Variants in ERP44 observed in about 807,000 individuals in gnomAD.
ERP44 encodes the protein endoplasmic reticulum protein 44.
In ERP44, 25 loss-of-function variants were observed where a neutral mutation model predicts 53.4. The ratio of observed to expected loss-of-function variants is 0.47; its 90% CI spans 0.34 to 0.65. The LOEUF is 0.65. Ranked by LOEUF, ERP44 falls within the 30% of genes least tolerant of loss-of-function variation. ERP44 has a pLI of 0.01. For missense variants in ERP44, 338 were observed against 493.2 expected (o/e 0.69, Z 2.98); for synonymous variants, 145 against 161.2 (o/e 0.90, Z 0.76).
At chr9:100,008,209 G>C (rs1317114957) in intron 8 of ERP44, among the ~76,000 whole-genome samples, 1 of 152,072 alleles carries the variant, frequency 6.6e-6, no homozygotes, top group African/African-American at 2.4e-5. Context: ...CCCAAAGCTT[G>C]AAGTGTTTTA....
At chr9:100,079,514 C>A (rs911945327) in intron 1 of ERP44, among the ~76,000 whole-genome samples, 1 of 151,804 alleles carries the variant, frequency 6.6e-6, no homozygotes, top group Non-Finnish European at 1.5e-5. Context: ...TTGTTCACTG[C>A]CACCACGCCT....
intron 10 of ERP44, among the ~76,000 whole-genome samples, chr9:99,996,039 C>T (rs567373852): frequency 6.6e-6 from 1 of 151,664 alleles, no homozygotes; most frequent in Admixed American, 6.6e-5. Flanking sequence ...ACATCCTCAC[C>T]ACCGCTTTTG....
chr9:100,067,893 A>C (rs1420341882), intron 1 of ERP44, among the ~76,000 whole-genome samples: 1 of 137,412 alleles, frequency 7.3e-6, no homozygotes, highest in Non-Finnish European at 1.6e-5. Context: ...GCCCCGCCTG[A>C]GAAGTGAGGA....
At chr9:100,029,431 C>G (rs1825750130) in intron 4 of ERP44, among the ~76,000 whole-genome samples, 1 of 152,198 alleles carries the variant, frequency 6.6e-6, no homozygotes, top group Non-Finnish European at 1.5e-5. Flanking sequence ...GTCAGTTTCA[C>G]TAATCATGTG....
At chr9:100,034,753 G>GCCTCA (rs1175249454) in intron 4 of ERP44, among the ~76,000 whole-genome samples, 2 of 152,070 alleles carry the variant, frequency 1.3e-5, no homozygotes, top group East Asian at 3.8e-4. Flanking sequence ...CCAAAAAAGA[G>GCCTCA]CCTCAATAGC....
At chr9:100,024,882 A>C (rs1415604914) in intron 4 of ERP44, among the ~76,000 whole-genome samples, 1 of 152,200 alleles carries the variant, frequency 6.6e-6, no homozygotes, top group Non-Finnish European at 1.5e-5. Context: ...CAGTAAGTTA[A>C]TTCCAATAAG....
chr9:100,066,926 C>G (rs934773230), intron 1 of ERP44, among the ~76,000 whole-genome samples: 1 of 152,088 alleles, frequency 6.6e-6, no homozygotes, highest in Non-Finnish European at 1.5e-5. Flanking sequence ...CTATAATGAA[C>G]TAGAAGTTCA....
intron 4 of ERP44, among the ~76,000 whole-genome samples, chr9:100,047,896 C>T (rs753539812): frequency 6.6e-6 from 1 of 151,830 alleles, no homozygotes; most frequent in African/African-American, 2.4e-5. Flanking sequence ...CAACAAAAAC[C>T]CAAATAACCT....
At chr9:100,067,270 C>G (rs1011456271) in intron 1 of ERP44, among the ~76,000 whole-genome samples, 2 of 152,198 alleles carry the variant, frequency 1.3e-5, no homozygotes, top group Admixed American at 6.5e-5. Flanking sequence ...GCTGCCATCT[C>G]GGCTCACTGC....
chr9:99,994,014 G>A (rs1015502976), intron 10 of ERP44, among the ~76,000 whole-genome samples: 3 of 152,146 alleles, frequency 2.0e-5, no homozygotes, highest in Non-Finnish European at 2.9e-5. Flanking sequence ...AGGTGCTGGA[G>A]AGGATGTGGA....
At chr9:100,094,290 A>C (rs1826597504) in intron 1 of ERP44, among the ~76,000 whole-genome samples, 1 of 152,210 alleles carries the variant, frequency 6.6e-6, no homozygotes, top group Non-Finnish European at 1.5e-5. Context: ...ATATATGCCA[A>C]AATAAATACA....
At chr9:99,989,584 G>T (rs1161973386) in intron 10 of ERP44, among the ~76,000 whole-genome samples, 1 of 152,166 alleles carries the variant, frequency 6.6e-6, no homozygotes, top group African/African-American at 2.4e-5. Context: ...ACAAAGATGG[G>T]GAGAAACCAG....
intron 4 of ERP44, among the ~76,000 whole-genome samples, chr9:100,040,844 AG>A (rs1825892425): frequency 6.6e-6 from 1 of 152,202 alleles, no homozygotes. Context: ...AAAAATCAGT[AG>A]CATTTTTATA....
chr9:100,096,155 G>T (rs189994816), intron 1 of ERP44, among the ~76,000 whole-genome samples: 147 of 152,158 alleles, frequency 9.7e-4, no homozygotes, highest in Non-Finnish European at 2.0e-3. Flanking sequence ...TACAGAAGAG[G>T]TTACCTAGGG....
chr9:100,051,889 TTAA>T (rs1826041787), intron 4 of ERP44, among the ~76,000 whole-genome samples: 1 of 152,134 alleles, frequency 6.6e-6, no homozygotes, highest in Non-Finnish European at 1.5e-5. Context: ...CTTAACACTC[TTAA>T]TAATTATAAT....
intron 4 of ERP44, among the ~76,000 whole-genome samples, chr9:100,039,103 C>T (rs1437905772): frequency 2.0e-5 from 3 of 152,010 alleles, no homozygotes; most frequent in Non-Finnish European, 4.4e-5. Context: ...ACTTAAATAC[C>T]CTACTTTCAG....
Position 100,057,844 on chromosome 9 carries a change from G to A in ERP44, c.146C>T (p.Ala49Val), listed in dbSNP as rs1216689477. 1 of 1,603,814 alleles carries A rather than the reference G, an allele frequency of 6.2e-7. No individual in the cohort carries two copies. Among genetic ancestry groups the A allele is most frequent in the East Asian group, 2.2e-5 (1 of 44,568 alleles). Residue 49 changes from alanine to valine, a missense_variant, in exon 3 of 12, where the codon GCT becomes GTT. This residue lies in a region of ERP44 where 224 missense variants were observed against 301.4 expected (regional missense o/e 0.74). Transcript: ENST00000262455. ...CCAGTCAGCATAAAAATTTACTAAA[G>A]CAACATCAGCATTGTCTGAAATTGA... ...IDEILNNADVALVNFYADWCR... is the reference protein window; with the variant it reads ...IDEILNNADVVLVNFYADWCR...
intron 10 of ERP44, among the ~76,000 whole-genome samples, chr9:100,002,213 G>A (rs1402737651): frequency 6.7e-6 from 1 of 148,714 alleles, no homozygotes; most frequent in African/African-American, 2.5e-5. Flanking sequence ...TTTATATTGT[G>A]TATCCCTAAA....
Position 100,098,881 on chromosome 9 carries a change from T to C in ERP44, c.-41A>G, listed in dbSNP as rs772078898. The C allele has an allele frequency of 3.8e-6, 6 of 1,580,600 alleles. No individual in the cohort carries two copies. The East Asian group carries it at 1.3e-4, about 36-fold the overall frequency. On this transcript the variant is annotated 5_prime_UTR_variant, in exon 1 of 12. Coordinates refer to ENST00000262455, the MANE Select transcript of ERP44 (RefSeq NM_015051.3). ...CGTGACAGGGACAGGCGCTGGCGGC[T>C]GGGACTGGGCTAGGTTGGGTTGGGT...
Sources: allele counts gnomAD v4.1 joint callset (sites outside exome capture counted in the v4.1 genomes callset), GRCh38; gene constraint gnomAD v4.1.1; regional missense constraint gnomAD v4.1.1; transcripts MANE v1.5; gene names NCBI Gene and HGNC (gene_info 2026-07-23, HGNC 2026-07-21).